Variants in DPP10 observed in about 807,000 individuals in gnomAD.
DPP10 encodes dipeptidyl peptidase like 10, also known as inactive dipeptidyl peptidase 10.
A neutral mutation model predicts 120.9 loss-of-function variants in DPP10; 33 were observed. The observed-to-expected ratio is 0.27, with a 90% CI of 0.21 to 0.37. The LOEUF (loss-of-function observed/expected upper bound fraction) is 0.37. Among genes scored for constraint, DPP10 ranks in the 10% least tolerant of loss-of-function variants. DPP10 has a pLI of 1.00. For synonymous variants in DPP10, 337 were observed against 326.1 expected (o/e 1.03, Z -0.36); for missense variants, 816 against 942.8 (o/e 0.87, Z 1.76).
At chr2:114,590,916 G>C (rs12472251) in intron 1 of DPP10, among the ~76,000 whole-genome samples, 22,265 of 152,164 alleles carry the variant, frequency 0.15, 1,977 homozygotes, top group African/African-American at 0.25. Context: ...GTAAGGAGTG[G>C]CTCTTGTGAG....
At chr2:115,035,308 G>C (rs1050260374) in intron 1 of DPP10, among the ~76,000 whole-genome samples, 8 of 152,184 alleles carry the variant, frequency 5.3e-5, no homozygotes, top group Non-Finnish European at 1.2e-4. Flanking sequence ...ACAGGGTACT[G>C]TCTCCTCAGG....
intron 1 of DPP10, among the ~76,000 whole-genome samples, chr2:114,677,564 T>A (rs1698750533): frequency 6.6e-6 from 1 of 152,146 alleles, no homozygotes; most frequent in Non-Finnish European, 1.5e-5. Flanking sequence ...AACGGTCCAC[T>A]GAATTATTAT....
At chr2:115,345,001 G>C (rs1428646889) in intron 3 of DPP10, among the ~76,000 whole-genome samples, 2 of 152,150 alleles carry the variant, frequency 1.3e-5, no homozygotes, top group African/African-American at 4.8e-5. Flanking sequence ...TAAAGAGAAT[G>C]TAATTTAACC....
At chr2:115,705,700 TTTG>T (rs2092075356) in intron 7 of DPP10, among the ~76,000 whole-genome samples, 1 of 151,970 alleles carries the variant, frequency 6.6e-6, no homozygotes, top group African/African-American at 2.4e-5. Context: ...GGACCACTTT[TTTG>T]TTGTTGTTTA....
chr2:115,398,489 TTAGA>T (rs2067842836), intron 3 of DPP10, among the ~76,000 whole-genome samples: 2 of 152,110 alleles, frequency 1.3e-5, no homozygotes, highest in African/African-American at 4.8e-5. Flanking sequence ...TATTTAAGAC[TTAGA>T]TATATATAGC....
chr2:115,551,331 T>C (rs2079859238), intron 5 of DPP10, among the ~76,000 whole-genome samples: 1 of 152,140 alleles, frequency 6.6e-6, no homozygotes, highest in African/African-American at 2.4e-5. Flanking sequence ...TCTTGTGGGC[T>C]TGGCTATGGC....
chr2:115,591,116 C>A (rs992204191), intron 5 of DPP10, among the ~76,000 whole-genome samples: 2 of 152,178 alleles, frequency 1.3e-5, no homozygotes, highest in Admixed American at 1.3e-4. Context: ...TGCCTGTTCA[C>A]TCTGATGGTA....
At chr2:115,660,656 T>TTTTTTTTTTTTTTTTTTTTTTTTTC in intron 5 of DPP10, among the ~76,000 whole-genome samples, 1 of 26,918 alleles carries the variant, frequency 3.7e-5, no homozygotes, top group Non-Finnish European at 6.6e-5. Flanking sequence ...TCTGTCTGGC[T>TTTTTTTTTTTTTTTTTTTTTTTTTC]TTTTTTTTTT....
chr2:114,573,512 G>A (rs573137495), intron 1 of DPP10, among the ~76,000 whole-genome samples: 306 of 152,218 alleles, frequency 2.0e-3, no homozygotes, highest in South Asian at 5.2e-3. Context: ...AGAAGTACAA[G>A]GAAAAGAGAA....
chr2:115,566,950 A>T (rs373827704), intron 5 of DPP10, among the ~76,000 whole-genome samples: 1 of 152,108 alleles, frequency 6.6e-6, no homozygotes, highest in Non-Finnish European at 1.5e-5. Flanking sequence ...CCTGGATTCC[A>T]TTACCCATAA....
intron 1 of DPP10, among the ~76,000 whole-genome samples, chr2:114,797,599 T>C (rs895788335): frequency 3.3e-5 from 5 of 152,192 alleles, no homozygotes; most frequent in Admixed American, 2.0e-4. Flanking sequence ...TTTGAACAAC[T>C]AGAGCAGCAA....
chr2:115,181,827 A>T (rs1053197974), intron 1 of DPP10, among the ~76,000 whole-genome samples: 1 of 152,214 alleles, frequency 6.6e-6, no homozygotes, highest in Non-Finnish European at 1.5e-5. Flanking sequence ...CTGGATACAG[A>T]CATTCACTAT....
chr2:115,217,025 A>T (rs2056873781), intron 1 of DPP10, among the ~76,000 whole-genome samples: 4 of 152,106 alleles, frequency 2.6e-5, no homozygotes. Flanking sequence ...TGTGTTTTAG[A>T]CTTATCCTTT....
chr2:114,579,654 T>C (rs976633119), intron 1 of DPP10, among the ~76,000 whole-genome samples: 2 of 152,166 alleles, frequency 1.3e-5, no homozygotes, highest in African/African-American at 4.8e-5. Flanking sequence ...AAAATCAGTA[T>C]AAGACTTGGG....
intron 4 of DPP10, among the ~76,000 whole-genome samples, chr2:115,509,308 G>T (rs1164782717): frequency 6.6e-6 from 1 of 152,124 alleles, no homozygotes; most frequent in Non-Finnish European, 1.5e-5. Context: ...AAAATAAAAA[G>T]AAAGTAACAA....
At chr2:115,253,347 C>T (rs891147874) in intron 1 of DPP10, among the ~76,000 whole-genome samples, 5 of 152,058 alleles carry the variant, frequency 3.3e-5, no homozygotes, top group South Asian at 2.1e-4. Context: ...CATTCCACCC[C>T]GAACCTACAA....
At chr2:115,483,021 T>A (rs2105283103) in intron 3 of DPP10, among the ~76,000 whole-genome samples, 1 of 152,172 alleles carries the variant, frequency 6.6e-6, no homozygotes, top group African/African-American at 2.4e-5. Flanking sequence ...ATTGGGTAAA[T>A]AAGGAAATTT....
chr2:115,587,505 C>T (rs928370084), intron 5 of DPP10, among the ~76,000 whole-genome samples: 1 of 152,080 alleles, frequency 6.6e-6, no homozygotes, highest in South Asian at 2.1e-4. Flanking sequence ...TTTCATTTAA[C>T]GTAATATCCT....
At chr2:114,477,638 T>C (rs1317461479) in intron 1 of DPP10, among the ~76,000 whole-genome samples, 1 of 151,072 alleles carries the variant, frequency 6.6e-6, no homozygotes, top group Non-Finnish European at 1.5e-5. Flanking sequence ...ATACAAAAAT[T>C]AGCCAGTGTG....
Sources: allele counts gnomAD v4.1 joint callset (sites outside exome capture counted in the v4.1 genomes callset), GRCh38; gene constraint gnomAD v4.1.1; transcripts MANE v1.5; gene names NCBI Gene and HGNC (gene_info 2026-07-23, HGNC 2026-07-21).